NWD2: variants seen among roughly 807,000 people sequenced by gnomAD.
NWD2 encodes NACHT and WD repeat domain containing 2.
A neutral mutation model predicts 132.7 loss-of-function variants in NWD2; 37 were observed. The observed-to-expected ratio is 0.28, with a 90% confidence interval of 0.21 to 0.37. NWD2 has a LOEUF of 0.37. Among genes scored for constraint, NWD2 ranks in the 10% least tolerant of loss-of-function variants. The pLI, the probability that NWD2 is intolerant of heterozygous loss-of-function variation, is 1.00. For missense variants in NWD2, 1,592 were observed against 2,122.4 expected (o/e 0.75, Z 4.91); for synonymous variants, 705 against 803.0 (o/e 0.88, Z 2.06).
intron 1 of NWD2, among the ~76,000 whole-genome samples, chr4:37,273,746 G>T (rs983086867): frequency 6.6e-6 from 1 of 152,238 alleles, no homozygotes; most frequent in African/African-American, 2.4e-5. Flanking sequence ...AGACCACAGT[G>T]CAATCAAACT....
chr4:37,393,200 G>GGT lies in NWD2; in HGVS notation c.357+36719_357+36720insTG, dbSNP rs1158243463. On this transcript the variant is annotated intron_variant, in intron 3 of 6. Transcript: ENST00000309447. ...TAGGAGGAAACATCCGGGGGTTGGG[G>GGT]GGAGACTCTGACCTTGATCAGAATC... Among the ~76,000 whole-genome samples, 13 of 150,976 alleles carry GGT rather than the reference G, an allele frequency of 8.6e-5. No homozygotes were observed. The East Asian group carries it at 1.9e-3, about 23-fold the overall frequency.
At chr4:37,426,768 A>G (rs1712021070) in intron 3 of NWD2, among the ~76,000 whole-genome samples, 1 of 152,162 alleles carries the variant, frequency 6.6e-6, no homozygotes, top group African/African-American at 2.4e-5. Context: ...CTAGCAACCT[A>G]CATTTTAGCA....
chr4:37,442,585 A>G (rs2928296), intron 6 of NWD2, among the ~76,000 whole-genome samples: 150,120 of 152,266 alleles, frequency 0.99, 74,038 homozygotes, highest in Middle Eastern at 1. Flanking sequence ...ACTGATGGCT[A>G]CATGTATATA....
intron 3 of NWD2, among the ~76,000 whole-genome samples, chr4:37,374,154 A>C (rs1351280261): frequency 6.6e-6 from 1 of 152,176 alleles, no homozygotes; most frequent in Non-Finnish European, 1.5e-5. Context: ...TCCCCATAGT[A>C]ATCAGTGAGT....
intron 1 of NWD2, among the ~76,000 whole-genome samples, chr4:37,304,863 C>T (rs959705737): frequency 1.3e-5 from 2 of 152,144 alleles, no homozygotes; most frequent in African/African-American, 4.8e-5. Flanking sequence ...GATGGTGGCT[C>T]TCTTCTCACA....
At chr4:37,358,469 C>G (rs1228308902) in intron 3 of NWD2, among the ~76,000 whole-genome samples, 1 of 152,056 alleles carries the variant, frequency 6.6e-6, no homozygotes, top group Non-Finnish European at 1.5e-5. Context: ...AGATTCTTTT[C>G]CTTGGGTCAT....
At chr4:37,264,192 A>C (rs1776570) in intron 1 of NWD2, among the ~76,000 whole-genome samples, 65,611 of 151,986 alleles carry the variant, frequency 0.43, 15,084 homozygotes, top group Middle Eastern at 0.52. Context: ...ATTCAGATGT[A>C]ATGGTTTTCT....
chr4:37,340,214 A>G (rs912194520), intron 2 of NWD2, among the ~76,000 whole-genome samples: 4 of 152,124 alleles, frequency 2.6e-5, no homozygotes, highest in African/African-American at 7.2e-5. Context: ...CCAATTCTAC[A>G]TGGGCAGACC....
intron 3 of NWD2, among the ~76,000 whole-genome samples, chr4:37,380,510 G>T (rs1720431928): frequency 6.6e-6 from 1 of 152,114 alleles, no homozygotes; most frequent in South Asian, 2.1e-4. Flanking sequence ...CAATTTTTAT[G>T]AAGATCAAAT....
intron 1 of NWD2, among the ~76,000 whole-genome samples, chr4:37,316,339 A>T (rs1393841683): frequency 6.6e-6 from 1 of 152,018 alleles, no homozygotes; most frequent in African/African-American, 2.4e-5. Context: ...CCTTCTGATG[A>T]GAAGTCAGCT....
intron 3 of NWD2, among the ~76,000 whole-genome samples, chr4:37,387,434 T>C (rs1157422306): frequency 6.6e-6 from 1 of 152,080 alleles, no homozygotes; most frequent in Non-Finnish European, 1.5e-5. Context: ...GACTACCATA[T>C]TGGATGTGGC....
chr4:37,409,397 A>G (rs1250400509), intron 3 of NWD2, among the ~76,000 whole-genome samples: 2 of 151,830 alleles, frequency 1.3e-5, no homozygotes, highest in African/African-American at 4.8e-5. Flanking sequence ...ATCAAGCAGA[A>G]GAAAGGATAT....
intron 1 of NWD2, among the ~76,000 whole-genome samples, chr4:37,316,441 A>G (rs560244304): frequency 6.6e-6 from 1 of 151,980 alleles, no homozygotes; most frequent in African/African-American, 2.4e-5. Flanking sequence ...CAGTTTGACT[A>G]TATGTGTCTA....
At chr4:37,248,221 A>G (rs562021208) in intron 1 of NWD2, among the ~76,000 whole-genome samples, 2 of 152,318 alleles carry the variant, frequency 1.3e-5, no homozygotes, top group South Asian at 4.1e-4. Flanking sequence ...GGGGATAAGC[A>G]CTGTCCAGCA....
chr4:37,309,382 C>T (rs1718781751), intron 1 of NWD2, among the ~76,000 whole-genome samples: 1 of 152,090 alleles, frequency 6.6e-6, no homozygotes, highest in Non-Finnish European at 1.5e-5. Flanking sequence ...CCCTTGGGTA[C>T]AGGCCACTGC....
intron 1 of NWD2, among the ~76,000 whole-genome samples, chr4:37,262,080 TA>T (rs1253909767): frequency 6.6e-6 from 1 of 152,130 alleles, no homozygotes; most frequent in Non-Finnish European, 1.5e-5. Flanking sequence ...CCAACCAGAA[TA>T]AATGCCATCT....
chr4:37,386,089 C>T (rs908595447), intron 3 of NWD2, among the ~76,000 whole-genome samples: 8 of 152,226 alleles, frequency 5.3e-5, no homozygotes, highest in African/African-American at 1.9e-4. Flanking sequence ...GCTTTATTCC[C>T]TTGATTTTGG....
intron 3 of NWD2, among the ~76,000 whole-genome samples, chr4:37,407,503 A>G (rs1721068571): frequency 6.6e-6 from 1 of 152,176 alleles, no homozygotes; most frequent in Non-Finnish European, 1.5e-5. Context: ...CAGGGGCCAC[A>G]CTTTGAAAAC....
intron 4 of NWD2, among the ~76,000 whole-genome samples, chr4:37,431,236 T>C (rs1181504562): frequency 1.3e-5 from 2 of 152,120 alleles, no homozygotes; most frequent in African/African-American, 2.4e-5. Context: ...AGCCAAGATA[T>C]GGAAACAGTC....
Sources: allele counts gnomAD v4.1 joint callset (sites outside exome capture counted in the v4.1 genomes callset), GRCh38; gene constraint gnomAD v4.1.1; transcripts MANE v1.5; gene names NCBI Gene and HGNC (gene_info 2026-07-23, HGNC 2026-07-21).